GRIA1: variants seen among roughly 807,000 people sequenced by gnomAD.
GRIA1 encodes the protein glutamate ionotropic receptor AMPA type subunit 1, also known as glutamate receptor 1.
Under a neutral mutation model 99.2 loss-of-function variants are expected in GRIA1, and 31 were observed. The ratio of observed to expected loss-of-function variants is 0.31; its 90% CI spans 0.23 to 0.42. The LOEUF (loss-of-function observed/expected upper bound fraction) is 0.42. GRIA1 is among the 10% of genes least tolerant of loss of function. The pLI is 1.00. For synonymous variants in GRIA1, 438 were observed against 432.4 expected, an observed-to-expected ratio of 1.01 and a Z score of -0.16; for missense variants, 782 against 1,157.5, an observed-to-expected ratio of 0.68 and a Z score of 4.71.
At chr5:153,796,527 T>C (rs79218699) in intron 14 of GRIA1, among the ~76,000 whole-genome samples, 1,978 of 152,324 alleles carry the variant, frequency 0.013, 23 homozygotes, top group Non-Finnish European at 0.021. Context: ...GAGGAGCAAG[T>C]GATCAGTGTT....
At chr5:153,560,439 G>T (rs1340596625) in intron 2 of GRIA1, among the ~76,000 whole-genome samples, 3 of 152,158 alleles carry the variant, frequency 2.0e-5, no homozygotes, top group Non-Finnish European at 4.4e-5. Context: ...TTGAATTGTA[G>T]CTCCCATAAC....
At chr5:153,497,819 C>T (rs1327465894) in intron 2 of GRIA1, among the ~76,000 whole-genome samples, 1 of 152,094 alleles carries the variant, frequency 6.6e-6, no homozygotes, top group Admixed American at 6.6e-5. Flanking sequence ...AGTTGCATTC[C>T]CCACCCTGGA....
chr5:153,706,923 T>A (rs1199715695), intron 11 of GRIA1, among the ~76,000 whole-genome samples: 1 of 152,034 alleles, frequency 6.6e-6, no homozygotes, highest in Non-Finnish European at 1.5e-5. Context: ...GGTGAAACCC[T>A]GTCTCTACTA....
chr5:153,788,347 C>G (rs1192239572), intron 13 of GRIA1, among the ~76,000 whole-genome samples: 1 of 152,182 alleles, frequency 6.6e-6, no homozygotes, highest in East Asian at 1.9e-4. Flanking sequence ...CATTGGCTTC[C>G]ATGTTTCCCC....
intron 12 of GRIA1, among the ~76,000 whole-genome samples, chr5:153,769,303 C>G (rs1306117717): frequency 2.6e-5 from 4 of 152,140 alleles, no homozygotes; most frequent in Non-Finnish European, 5.9e-5. Context: ...GAATCAGAAT[C>G]TCTAGATTTA....
At chr5:153,743,436 G>A (rs896509616) in intron 11 of GRIA1, among the ~76,000 whole-genome samples, 1 of 152,134 alleles carries the variant, frequency 6.6e-6, no homozygotes, top group Non-Finnish European at 1.5e-5. Context: ...GAGCTTGGGG[G>A]TTCTCTTCCA....
At chr5:153,673,665 C>T (rs537970620) in intron 5 of GRIA1, among the ~76,000 whole-genome samples, 2 of 152,288 alleles carry the variant, frequency 1.3e-5, no homozygotes, top group Admixed American at 1.3e-4. Flanking sequence ...GTTTCTTTAT[C>T]TGGCAAATAG....
rs1766935156 is a variant in GRIA1, at chr5:153,813,110, CA to C, written c.*1886del. ...AGAATCCTTCCAAAATCAAACTCTT[CA>C]CTTTTTTGACTCAAGTGTTGTTGTT... On this transcript the variant is annotated 3_prime_UTR_variant, in exon 16 of 16. Coordinates refer to ENST00000285900, the MANE Select transcript of GRIA1 (RefSeq NM_000827.4). 6.6e-6 allele frequency: 1 copy of C among 152,222 alleles called. No homozygotes were observed. 9.4% of individuals were successfully genotyped at this position (152,222 alleles called of 1,614,324 possible).
intron 5 of GRIA1, among the ~76,000 whole-genome samples, chr5:153,662,965 C>T (rs1458020982): frequency 6.6e-6 from 1 of 152,180 alleles, no homozygotes; most frequent in Non-Finnish European, 1.5e-5. Flanking sequence ...TCCCGCTCTG[C>T]TCTCACCTCA....
chr5:153,804,976 T>C (rs1766331032), intron 15 of GRIA1, among the ~76,000 whole-genome samples: 1 of 152,100 alleles, frequency 6.6e-6, no homozygotes, highest in Non-Finnish European at 1.5e-5. Context: ...GGTCTCAAAC[T>C]CCTGACCTCA....
intron 2 of GRIA1, among the ~76,000 whole-genome samples, chr5:153,642,068 C>T (rs1380435787): frequency 6.6e-6 from 1 of 152,194 alleles, no homozygotes; most frequent in Non-Finnish European, 1.5e-5. Context: ...GACAGGAATA[C>T]ATCAAACATA....
chr5:153,596,134 A>G lies in GRIA1; in HGVS notation c.221-50794A>G, dbSNP rs529639030. On this transcript the variant is annotated intron_variant, in intron 2 of 15. Coordinates refer to ENST00000285900, the MANE Select transcript of GRIA1 (RefSeq NM_000827.4). ...CTGAGTGATCAATTTGGATGCATCC[A>G]TCATGGCTGGCATCCCAGAAAAGGC... 2.6e-5 allele frequency among the ~76,000 whole-genome samples: 4 copies of G among 152,330 alleles called. No individual in the cohort carries two copies. The South Asian group carries it at 8.3e-4, about 32-fold the overall frequency.
At chr5:153,495,255 C>T (rs1420205042) in intron 2 of GRIA1, among the ~76,000 whole-genome samples, 3 of 152,340 alleles carry the variant, frequency 2.0e-5, no homozygotes, top group Admixed American at 6.5e-5. Flanking sequence ...GTATTAAGCA[C>T]TGACTACAGC....
intron 2 of GRIA1, among the ~76,000 whole-genome samples, chr5:153,634,604 G>A (rs1753220228): frequency 6.6e-6 from 1 of 152,144 alleles, no homozygotes; most frequent in Non-Finnish European, 1.5e-5. Flanking sequence ...CAGAGCCTCA[G>A]AGTTCAAAGT....
rs565612085 is a variant in GRIA1 at position 153,535,520 on chromosome 5, A to G, written c.220+41455A>G. 5.7e-4 allele frequency among the ~76,000 whole-genome samples: 87 copies of G among 152,336 alleles called. 2 individuals are homozygous for G. Among genetic ancestry groups the G allele is most frequent in the African/African-American group, 2.0e-3 (84 of 41,586 alleles). ...AACAACATTCTCCAGTCAGCTGAAC[A>G]AGCAGGTGCTAGAAAAGAGTGTAAA... On this transcript the variant is annotated intron_variant, in intron 2 of 15. Coordinates refer to ENST00000285900, the MANE Select transcript of GRIA1 (RefSeq NM_000827.4).
chr5:153,508,295 G>A (rs1755730736), intron 2 of GRIA1, among the ~76,000 whole-genome samples: 1 of 152,144 alleles, frequency 6.6e-6, no homozygotes, highest in Admixed American at 6.5e-5. Context: ...AGCAACATCT[G>A]CCCCTATTAC....
intron 11 of GRIA1, among the ~76,000 whole-genome samples, chr5:153,741,723 G>A (rs1470709398): frequency 6.6e-6 from 1 of 152,174 alleles, no homozygotes; most frequent in Non-Finnish European, 1.5e-5. Context: ...GAATTAAAGA[G>A]TGGAATGGTG....
intron 15 of GRIA1, among the ~76,000 whole-genome samples, chr5:153,810,065 G>A (rs998588643): frequency 3.9e-5 from 6 of 152,132 alleles, no homozygotes; most frequent in African/African-American, 7.2e-5. Context: ...CCAAAGGAAC[G>A]CTCAACAGAA....
chr5:153,644,743 T>C (rs1754014637), intron 2 of GRIA1, among the ~76,000 whole-genome samples: 1 of 151,800 alleles, frequency 6.6e-6, no homozygotes, highest in Non-Finnish European at 1.5e-5. Context: ...GAGGTGAGAT[T>C]TGGGCTGAGG....
Sources: allele counts gnomAD v4.1 joint callset (sites outside exome capture counted in the v4.1 genomes callset), GRCh38; gene constraint gnomAD v4.1.1; transcripts MANE v1.5; gene names NCBI Gene and HGNC (gene_info 2026-07-23, HGNC 2026-07-21).